PRKAG2: variants seen among roughly 807,000 people sequenced by gnomAD.
PRKAG2 encodes the protein protein kinase AMP-activated non-catalytic subunit gamma 2, also known as 5'-AMP-activated protein kinase subunit gamma-2.
In PRKAG2, 26 loss-of-function variants were observed where a neutral mutation model predicts 69.6. The ratio of observed to expected loss-of-function variants is 0.37; its 90% CI spans 0.27 to 0.52. PRKAG2 has a LOEUF of 0.52. PRKAG2 is among the 20% of genes least tolerant of loss of function. PRKAG2 has a pLI of 0.90. For missense variants in PRKAG2, 557 were observed against 740.0 expected, an observed-to-expected ratio of 0.75 and a Z score of 2.87; for synonymous variants, 293 against 285.0, an observed-to-expected ratio of 1.03 and a Z score of -0.28.
chr7:151,679,653 C>CGTCTG (rs1833534355), intron 3 of PRKAG2, among the ~76,000 whole-genome samples: 1 of 152,202 alleles, frequency 6.6e-6, no homozygotes, highest in Non-Finnish European at 1.5e-5. Flanking sequence ...AGAGAAACCC[C>CGTCTG]TCTGGGGGGC....
intron 6 of PRKAG2, among the ~76,000 whole-genome samples, chr7:151,580,749 C>G (rs1810221667): frequency 6.8e-6 from 1 of 146,466 alleles, no homozygotes; most frequent in South Asian, 2.2e-4. Context: ...AACAACTGAA[C>G]TCATGGAAAT....
intron 13 of PRKAG2, 173 bp from the exon 14 acceptor site, chr7:151,564,397 T>C (rs183419695): frequency 7.7e-5 from 49 of 639,878 alleles, no homozygotes; most frequent in Non-Finnish European, 6.6e-5. Context: ...GCTACTGTTA[T>C]TTTGTCAACA....
intron 1 of PRKAG2, among the ~76,000 whole-genome samples, chr7:151,858,288 G>T (rs2079834834): frequency 6.6e-6 from 1 of 151,928 alleles, no homozygotes; most frequent in African/African-American, 2.4e-5. Context: ...GCAGCACCCT[G>T]CCAGCCTCGG....
At chr7:151,709,868 C>T (rs534273329) in intron 3 of PRKAG2, among the ~76,000 whole-genome samples, 8 of 151,684 alleles carry the variant, frequency 5.3e-5, no homozygotes, top group East Asian at 2.0e-4. Context: ...TGACGAGTGA[C>T]GTGAGACTGA....
chr7:151,559,946 A>G, intron 15 of PRKAG2: 1 of 985,378 alleles, frequency 1.0e-6, no homozygotes, highest in Non-Finnish European at 1.2e-6. Flanking sequence ...CCTCTTGTCT[A>G]AAGCCCTCTC....
intron 3 of PRKAG2, among the ~76,000 whole-genome samples, chr7:151,713,091 T>G (rs184072243): frequency 1.3e-5 from 2 of 152,272 alleles, no homozygotes; most frequent in Admixed American, 1.3e-4. Flanking sequence ...CCATTTCTCC[T>G]GTATGGCACT....
At chr7:151,862,010 C>T (rs1379462408) in intron 1 of PRKAG2, among the ~76,000 whole-genome samples, 1 of 151,850 alleles carries the variant, frequency 6.6e-6, no homozygotes, top group East Asian at 1.9e-4. Context: ...CCCGTCCCCT[C>T]AGTGGACGGA....
intron 1 of PRKAG2, among the ~76,000 whole-genome samples, chr7:151,793,920 G>A (rs971825552): frequency 6.6e-6 from 1 of 152,254 alleles, no homozygotes; most frequent in Non-Finnish European, 1.5e-5. Context: ...CCAAATCCGG[G>A]AAGGCCTAAG....
chr7:151,570,234 A>G lies in PRKAG2; in HGVS notation c.1052-9T>C. On this transcript the variant is annotated splice_polypyrimidine_tract_variant and intron_variant, in intron 9 of 15. Transcript: ENST00000287878. Reference sequence around the variant, plus strand: ...TTCTTGTAAATAAAGCTCTGTATTTATAGAAAGAAAATATGCAGTTAGTAA... The same window carrying G: ...TTCTTGTAAATAAAGCTCTGTATTTGTAGAAAGAAAATATGCAGTTAGTAA... The G allele has an allele frequency of 6.2e-7, 1 of 1,600,252 alleles. No individual in the cohort carries two copies. The highest frequency in any genetic ancestry group is 2.2e-5 in the East Asian group (1 of 44,560).
chr7:151,696,239 C>T (rs891858102), intron 3 of PRKAG2, among the ~76,000 whole-genome samples: 2 of 152,250 alleles, frequency 1.3e-5, no homozygotes, highest in African/African-American at 4.8e-5. Flanking sequence ...AGCCGCAGCT[C>T]ACAGCACTTT....
chr7:151,742,264 A>G (rs1695821070), intron 3 of PRKAG2, among the ~76,000 whole-genome samples: 1 of 152,210 alleles, frequency 6.6e-6, no homozygotes, highest in African/African-American at 2.4e-5. Flanking sequence ...GACTGAAGGG[A>G]TTTGGAAAAG....
rs77051779 is a variant in PRKAG2 at position 151,595,304 on chromosome 7, C to A, written c.864+41G>T. 3.5e-6 allele frequency: 5 copies of A among 1,409,052 alleles called. No individual in the cohort carries two copies. The South Asian group carries it at 5.9e-5, about 17-fold the overall frequency. 87.3% of individuals were successfully genotyped at this position (1,409,052 alleles called of 1,614,324 possible). On this transcript the variant is annotated intron_variant, in intron 6 of 15. Transcript: ENST00000287878. ...ATTACTGTATAAAGTAGTAGCCATC[C>A]AAAAAATACCAAAAAATTCATGAAA...
chr7:151,819,933 T>A (rs745441520), intron 1 of PRKAG2, among the ~76,000 whole-genome samples: 4 of 152,230 alleles, frequency 2.6e-5, no homozygotes, highest in Non-Finnish European at 4.4e-5. Context: ...CTATAAACGC[T>A]AAGTCATATG....
At chr7:151,652,470 T>G (rs1003155334) in intron 4 of PRKAG2, among the ~76,000 whole-genome samples, 1 of 152,252 alleles carries the variant, frequency 6.6e-6, no homozygotes, top group African/African-American at 2.4e-5. Flanking sequence ...TCTTTTCAGA[T>G]AAATTAATAT....
At chr7:151,648,667 A>T (rs1472518520) in intron 4 of PRKAG2, among the ~76,000 whole-genome samples, 1 of 152,200 alleles carries the variant, frequency 6.6e-6, no homozygotes, top group African/African-American at 2.4e-5. Context: ...TGACCCACTC[A>T]TGGGTCATGA....
chr7:151,777,883 G>A lies in PRKAG2; in HGVS notation c.466+3269C>T, dbSNP rs1563651518. Among the ~76,000 whole-genome samples, 1 of 152,162 alleles carries A rather than the reference G, an allele frequency of 6.6e-6. No individual in the cohort carries two copies. Among genetic ancestry groups the A allele is most frequent in the Admixed American group, 6.5e-5 (1 of 15,280 alleles). On this transcript the variant is annotated intron_variant, in intron 3 of 15. Coordinates refer to ENST00000287878, the MANE Select transcript of PRKAG2 (RefSeq NM_016203.4). The surrounding 1 kb of genome is among the most constrained non-coding windows in gnomAD (Gnocchi z 4.3). ...AGGATTATGGGAGGGGCCTGAACCGGGCTAACATGCAGGTGTAGTTTCTAT... is the reference window on the plus strand; with the variant it reads ...AGGATTATGGGAGGGGCCTGAACCGAGCTAACATGCAGGTGTAGTTTCTAT...
chr7:151,849,852 C>T (rs573585897), intron 1 of PRKAG2, among the ~76,000 whole-genome samples: 29 of 152,324 alleles, frequency 1.9e-4, no homozygotes, highest in South Asian at 8.3e-4. Context: ...CTGCCAGAGA[C>T]GCCATATCCA....
At chr7:151,831,059 G>A (rs2079015451) in intron 1 of PRKAG2, among the ~76,000 whole-genome samples, 1 of 152,102 alleles carries the variant, frequency 6.6e-6, no homozygotes, top group Non-Finnish European at 1.5e-5. Context: ...AGGACAGCTA[G>A]AACATAAGAG....
intron 1 of PRKAG2, among the ~76,000 whole-genome samples, chr7:151,869,523 G>A (rs983706373): frequency 2.6e-5 from 4 of 152,342 alleles, no homozygotes; most frequent in East Asian, 1.9e-4. Flanking sequence ...GGTGACTCCC[G>A]CAAGGCACTG....
Sources: allele counts gnomAD v4.1 joint callset (sites outside exome capture counted in the v4.1 genomes callset), GRCh38; gene constraint gnomAD v4.1.1; non-coding constraint Gnocchi (gnomAD v3.1); transcripts MANE v1.5; gene names NCBI Gene and HGNC (gene_info 2026-07-23, HGNC 2026-07-21).